ZNF236: variants seen among roughly 807,000 people sequenced by gnomAD.
ZNF236 encodes the protein regulated by glucose.
ZNF236 carries 50 observed loss-of-function variants against 191.2 expected under a neutral mutation model. That is an observed-to-expected ratio of 0.26 (90% CI 0.21 to 0.33). The LOEUF is 0.33. Ranked by LOEUF, ZNF236 falls within the 10% of genes least tolerant of loss-of-function variation. ZNF236 has a pLI of 1.00. For synonymous variants in ZNF236, 907 were observed against 928.8 expected, an observed-to-expected ratio of 0.98 and a Z score of 0.43; for missense variants, 1,754 against 2,374.5, an observed-to-expected ratio of 0.74 and a Z score of 5.43.
chr18:76,846,406 GA>G (rs1351605755), intron 1 of ZNF236, among the ~76,000 whole-genome samples: 2 of 152,328 alleles, frequency 1.3e-5, no homozygotes, highest in East Asian at 1.9e-4. Flanking sequence ...GAAAGCAAGC[GA>G]AGTGGGGGCA....
At chr18:76,853,933 C>G (rs1428335692) in intron 3 of ZNF236, among the ~76,000 whole-genome samples, 1 of 151,608 alleles carries the variant, frequency 6.6e-6, no homozygotes, top group African/African-American at 2.4e-5. Context: ...TCACTTGAAC[C>G]CAGGAGGTGG....
chr18:76,835,156 T>G (rs1384248443), intron 1 of ZNF236, among the ~76,000 whole-genome samples: 2 of 152,198 alleles, frequency 1.3e-5, no homozygotes, highest in Admixed American at 1.3e-4. Flanking sequence ...AGTTCAAGAT[T>G]ATTTTCTGAT....
chr18:76,887,449 A>T (rs945405215), intron 9 of ZNF236: 20 of 152,162 alleles, frequency 1.3e-4, no homozygotes, highest in African/African-American at 4.6e-4. Context: ...CTCGATTTAC[A>T]GTTTCAGATA....
chr18:76,881,203 T>C, intron 8 of ZNF236, 81 bp from the exon 9 acceptor site: 1 of 1,195,974 alleles, frequency 8.4e-7, no homozygotes, highest in South Asian at 1.5e-5. Context: ...TAGAATTCTA[T>C]AGGTAAAGCT....
At chr18:76,855,649 T>C (rs899433616) in intron 3 of ZNF236, among the ~76,000 whole-genome samples, 1 of 152,228 alleles carries the variant, frequency 6.6e-6, no homozygotes, top group African/African-American at 2.4e-5. Flanking sequence ...TTCCAGCCTT[T>C]TCCAGACAAA....
intron 19 of ZNF236, among the ~76,000 whole-genome samples, chr18:76,917,380 A>G (rs1212139815): frequency 2.6e-5 from 4 of 152,174 alleles, no homozygotes; most frequent in Non-Finnish European, 5.9e-5. Context: ...CTTTCCTGTC[A>G]ATTAATAAAG....
intron 25 of ZNF236, among the ~76,000 whole-genome samples, chr18:76,931,737 G>A (rs546566237): frequency 5.3e-5 from 8 of 152,272 alleles, no homozygotes; most frequent in African/African-American, 1.4e-4. Context: ...TTGCACCAAC[G>A]TAATAAATGA....
chr18:76,913,574 A>T (rs1039368247), intron 17 of ZNF236, among the ~76,000 whole-genome samples, 173 bp from the exon 18 acceptor site: 10 of 152,228 alleles, frequency 6.6e-5, no homozygotes, highest in African/African-American at 2.2e-4. Context: ...GCAATATTTT[A>T]TACTTTATAA....
intron 20 of ZNF236, 66 bp from the exon 21 acceptor site, chr18:76,923,005 A>G (rs550156442): frequency 4.1e-6 from 5 of 1,210,718 alleles, no homozygotes; most frequent in South Asian, 1.3e-5. Context: ...TTTAATTTAT[A>G]TAGTTATAAA....
chr18:76,928,999 C>G (rs1294773354), intron 25 of ZNF236, among the ~76,000 whole-genome samples: 1 of 149,328 alleles, frequency 6.7e-6, no homozygotes, highest in East Asian at 2.0e-4. Context: ...CCGTGGAGAT[C>G]TGATGTGACA....
chr18:76,834,375 GTT>G (rs202202508), intron 1 of ZNF236: 191 of 151,376 alleles, frequency 1.3e-3, no homozygotes, highest in Middle Eastern at 3.1e-3. Context: ...TTTCCTTAGG[GTT>G]TTTTTTTTTT....
At position 76,960,668 on chromosome 18, in the gene ZNF236, T is replaced by C. The variant is rs770105009; in HGVS notation, c.5243-11T>C. 1.2e-6 allele frequency: 2 copies of C among 1,614,140 alleles called. No homozygotes were observed. Among genetic ancestry groups the C allele is most frequent in the Admixed American group, 3.3e-5 (2 of 60,020 alleles). ...TCTTAGAGACATTGACATATGCCAT[T>C]TTCTGTACAGGGGAGCGGCCGTTCC... On this transcript the variant is annotated splice_polypyrimidine_tract_variant and intron_variant, in intron 29 of 30. Coordinates refer to ENST00000320610, the MANE Select transcript of ZNF236 (RefSeq NM_001306089.2). This position sits in a 1 kb window ranked among gnomAD's most constrained non-coding sequence, Gnocchi z 4.4.
At chr18:76,926,202 AGT>A (rs1440369331) in intron 22 of ZNF236, among the ~76,000 whole-genome samples, 1 of 152,130 alleles carries the variant, frequency 6.6e-6, no homozygotes, top group East Asian at 1.9e-4. Context: ...GTGATTAGAC[AGT>A]GTGTGTGTAT....
At chr18:76,884,781 A>G (rs916209605) in intron 9 of ZNF236, among the ~76,000 whole-genome samples, 5 of 152,202 alleles carry the variant, frequency 3.3e-5, no homozygotes, top group Non-Finnish European at 5.9e-5. Flanking sequence ...ATTCACTGTA[A>G]CAAACCTCCC....
At chr18:76,834,937 ATATACGCCGCTTCCGGT>A in intron 1 of ZNF236, 1 of 197,058 alleles carries the variant, frequency 5.1e-6, no homozygotes, top group South Asian at 8.7e-5. Context: ...AGAGAACTAC[ATATACGCCGCTTCCGGT>A]TCTGTACCTA....
chr18:76,841,691 T>TTC (rs1200673549), intron 1 of ZNF236, among the ~76,000 whole-genome samples: 8 of 139,904 alleles, frequency 5.7e-5, no homozygotes, highest in Middle Eastern at 3.8e-3. Flanking sequence ...GGTTTTTTTT[T>TTC]TTCTTTTTTT....
At chr18:76,903,032 G>C (rs754353302) in intron 11 of ZNF236, among the ~76,000 whole-genome samples, 1 of 152,210 alleles carries the variant, frequency 6.6e-6, no homozygotes, top group African/African-American at 2.4e-5. Flanking sequence ...ATGAGAAAAG[G>C]CTTGGTAGTC....
rs1975903121 is a variant in ZNF236, at chr18:76,852,392, T to C, written c.363+453T>C. Among the ~76,000 whole-genome samples, 3 of 152,220 alleles carry C rather than the reference T, an allele frequency of 2.0e-5. No individual in the cohort carries two copies. The South Asian group carries it at 6.2e-4, about 32-fold the overall frequency. ...GCCCAAAGCAGCTTATACACCAAAG[T>C]GACCACTCCTGGGAGCTCCACAGGC... On this transcript the variant is annotated intron_variant, in intron 3 of 30. Transcript: ENST00000320610.
chr18:76,824,385 T>C, intron 1 of ZNF236: 1 of 781,036 alleles, frequency 1.3e-6, no homozygotes. Context: ...GCTGGAGAGA[T>C]GTTGGCTGCA....
Sources: allele counts gnomAD v4.1 joint callset (sites outside exome capture counted in the v4.1 genomes callset), GRCh38; gene constraint gnomAD v4.1.1; non-coding constraint Gnocchi (gnomAD v3.1); transcripts MANE v1.5; gene names NCBI Gene and HGNC (gene_info 2026-07-23, HGNC 2026-07-21).